The following PEX5L variants were observed in gnomAD, a reference collection of about 807,000 sequenced individuals.
PEX5L encodes the protein PEX5-related protein.
PEX5L carries 30 observed loss-of-function variants against 84.0 expected under a neutral mutation model. That is an observed-to-expected ratio of 0.36 (90% confidence interval 0.27 to 0.48). The LOEUF is 0.48. Among genes scored for constraint, PEX5L ranks in the 20% least tolerant of loss-of-function variants. The probability of loss-of-function intolerance (pLI) is 0.99; values close to 1 mark genes in which losing one functional copy is unlikely to be tolerated. For synonymous variants in PEX5L, 270 were observed against 283.1 expected (o/e 0.95, Z 0.46); for missense variants, 533 against 754.6 (o/e 0.71, Z 3.44).
intron 1 of PEX5L, among the ~76,000 whole-genome samples, chr3:180,022,986 G>C (rs1397184423): frequency 1.3e-5 from 2 of 152,186 alleles, no homozygotes; most frequent in Non-Finnish European, 2.9e-5. Context: ...TACCCTCCAA[G>C]GCCACCGCAA....
At chr3:179,831,570 G>A (rs980437265) in intron 8 of PEX5L, among the ~76,000 whole-genome samples, 2 of 152,176 alleles carry the variant, frequency 1.3e-5, no homozygotes, top group African/African-American at 4.8e-5. Flanking sequence ...TCACCCTGCT[G>A]CTGGAGTGTG....
At chr3:179,936,242 T>G (rs1774566709) in intron 2 of PEX5L, among the ~76,000 whole-genome samples, 1 of 152,198 alleles carries the variant, frequency 6.6e-6, no homozygotes, top group Non-Finnish European at 1.5e-5. Context: ...TGTCATTATT[T>G]TCAAGGGTTC....
At position 179,971,638 on chromosome 3, in the gene PEX5L, G is replaced by A; in HGVS notation, c.49C>T (p.Leu17=). Residue 17 remains leucine (L), a synonymous_variant, in exon 2 of 15, where the codon CTA becomes TTA. Transcript: ENST00000467460. ...ATTTCGAGGTCTTCATCACTGCTTA[G>A]TTTTCCATATCCTTGTTCTTTACTT... ...QKSKEQGYGK[L]SSDEDLEIIV... The A allele has an allele frequency of 6.2e-7, 1 of 1,607,542 alleles. No homozygotes were observed. Among genetic ancestry groups the A allele is most frequent in the Non-Finnish European group, 8.5e-7 (1 of 1,177,126 alleles).
At chr3:179,919,089 G>A (rs1296697970) in intron 2 of PEX5L, among the ~76,000 whole-genome samples, 3 of 152,094 alleles carry the variant, frequency 2.0e-5, no homozygotes, top group African/African-American at 4.8e-5. Context: ...TGTACATCCT[G>A]GATTGTTTTT....
At chr3:179,959,665 TA>T (rs1159269439) in intron 2 of PEX5L, among the ~76,000 whole-genome samples, 2 of 152,176 alleles carry the variant, frequency 1.3e-5, no homozygotes, top group African/African-American at 2.4e-5. Flanking sequence ...AATGAAAAAT[TA>T]TATTTTTTCA....
At chr3:179,869,718 G>T (rs1311982149) in intron 7 of PEX5L, among the ~76,000 whole-genome samples, 2 of 152,076 alleles carry the variant, frequency 1.3e-5, no homozygotes, top group African/African-American at 4.8e-5. Context: ...TTAACTCCCA[G>T]GAAGGAACAC....
At chr3:179,976,463 A>C (rs926792883) in intron 1 of PEX5L, among the ~76,000 whole-genome samples, 1 of 151,856 alleles carries the variant, frequency 6.6e-6, no homozygotes, top group Non-Finnish European at 1.5e-5. Flanking sequence ...GGGGGGAAGG[A>C]GTCTCGCTCT....
intron 2 of PEX5L, among the ~76,000 whole-genome samples, chr3:179,971,232 A>G (rs927877299): frequency 5.9e-5 from 9 of 152,148 alleles, no homozygotes; most frequent in Non-Finnish European, 1.3e-4. Context: ...ACAAGATAGA[A>G]TAATGGCAGT....
At chr3:179,870,539 AACGG>A (rs1749940279) in intron 7 of PEX5L, among the ~76,000 whole-genome samples, 1 of 152,168 alleles carries the variant, frequency 6.6e-6, no homozygotes, top group Admixed American at 6.5e-5. Flanking sequence ...TGTCTTGGCT[AACGG>A]ACTTGCATTG....
At chr3:180,027,520 A>T (rs1424686120) in intron 1 of PEX5L, among the ~76,000 whole-genome samples, 1 of 152,128 alleles carries the variant, frequency 6.6e-6, no homozygotes, top group Non-Finnish European at 1.5e-5. Flanking sequence ...ACACACATGC[A>T]TACACATAAG....
intron 8 of PEX5L, among the ~76,000 whole-genome samples, chr3:179,831,395 A>C (rs562791580): frequency 8.5e-5 from 13 of 152,236 alleles, no homozygotes; most frequent in African/African-American, 3.1e-4. Flanking sequence ...AAAAATATGG[A>C]ACCTCTTTGA....
At position 179,840,408 on chromosome 3, in the gene PEX5L, C is replaced by T. The variant is rs143048980; in HGVS notation, c.822+18654G>A. Among the ~76,000 whole-genome samples, 1,427 of 144,094 alleles carry T rather than the reference C, an allele frequency of 9.9e-3. 18 individuals are homozygous for T. Among genetic ancestry groups the T allele is most frequent in the African/African-American group, 0.033 (1,334 of 40,938 alleles). The allele number at this position is 144,094 out of a possible 152,430, so 94.5% of individuals were successfully genotyped here. A position where few individuals can be genotyped will look rare whatever the true frequency, so the allele number is the denominator to read the frequency against. On this transcript the variant is annotated intron_variant, in intron 8 of 14. Transcript: ENST00000467460. The stretch of plus-strand genomic sequence containing the variant: ...TTCACCATGTTGGCCAGGCTGGTCT[C>T]GAACTCCTGACCTCAGGTGATCCAC...
intron 1 of PEX5L, among the ~76,000 whole-genome samples, chr3:180,005,796 C>T (rs531141829): frequency 7.9e-5 from 12 of 152,288 alleles, no homozygotes; most frequent in Non-Finnish European, 1.2e-4. Flanking sequence ...TCTCAAACTC[C>T]TGGTCTCAAG....
At chr3:179,883,125 T>C (rs1173301379) in intron 4 of PEX5L, among the ~76,000 whole-genome samples, 5 of 152,106 alleles carry the variant, frequency 3.3e-5, no homozygotes, top group Non-Finnish European at 5.9e-5. Flanking sequence ...ACGTGAAAAG[T>C]GTGTGCGTGT....
At chr3:179,855,406 T>C (rs1473787028) in intron 8 of PEX5L, among the ~76,000 whole-genome samples, 2 of 152,328 alleles carry the variant, frequency 1.3e-5, no homozygotes, top group East Asian at 1.9e-4. Flanking sequence ...AAGACACTTT[T>C]AGTCCTTTTA....
At chr3:179,974,314 C>A in intron 1 of PEX5L, 1 of 348,746 alleles carries the variant, frequency 2.9e-6, no homozygotes, top group Non-Finnish European at 4.0e-6. Flanking sequence ...ACTTCCTGTG[C>A]TCCTCCCACC....
intron 2 of PEX5L, among the ~76,000 whole-genome samples, chr3:179,926,040 G>A (rs1480095770): frequency 6.6e-6 from 1 of 151,818 alleles, no homozygotes; most frequent in Non-Finnish European, 1.5e-5. Context: ...TCTGTTTTTG[G>A]CACTAATATT....
chr3:179,893,957 T>A (rs1758397758), intron 3 of PEX5L, among the ~76,000 whole-genome samples: 1 of 152,064 alleles, frequency 6.6e-6, no homozygotes, highest in African/African-American at 2.4e-5. Flanking sequence ...TGAGATGGGG[T>A]CTTGCTATGT....
At chr3:180,030,665 C>CA (rs1791370433) in intron 1 of PEX5L, among the ~76,000 whole-genome samples, 1 of 152,178 alleles carries the variant, frequency 6.6e-6, no homozygotes, top group Admixed American at 6.5e-5. Flanking sequence ...GATTTTGTGA[C>CA]TCCCTAGGTA....
Sources: gnomAD v4.1 joint callset for allele counts (sites outside exome capture counted in the v4.1 genomes callset) on GRCh38, gnomAD v4.1.1 for gene constraint, MANE v1.5 for transcripts, NCBI Gene and HGNC (gene_info 2026-07-23, HGNC 2026-07-21) for gene names.